Variants in PDZRN3 observed in about 807,000 individuals in gnomAD.
The protein encoded by PDZRN3 is PDZ domain containing ring finger 3.
Under a neutral mutation model 85.7 loss-of-function variants are expected in PDZRN3, and 38 were observed. The observed-to-expected ratio is 0.44, with a 90% CI of 0.34 to 0.58. The LOEUF is 0.58. Ranked by LOEUF, PDZRN3 falls within the 20% of genes least tolerant of loss-of-function variation. The pLI is 0.01. For synonymous variants in PDZRN3, 759 were observed against 638.0 expected, an observed-to-expected ratio of 1.19 and a Z score of -2.86; for missense variants, 1,629 against 1,506.4, an observed-to-expected ratio of 1.08 and a Z score of -1.35.
intron 3 of PDZRN3, among the ~76,000 whole-genome samples, chr3:73,442,515 A>G (rs35248676): frequency 0.085 from 12,982 of 152,272 alleles, 632 homozygotes; most frequent in Middle Eastern, 0.18. Flanking sequence ...AGAATAACAC[A>G]CTGGGAAAAA....
chr3:73,492,820 T>C (rs879459332), intron 3 of PDZRN3, among the ~76,000 whole-genome samples: 1 of 152,178 alleles, frequency 6.6e-6, no homozygotes, highest in African/African-American at 2.4e-5. Flanking sequence ...GTTGAGGTGG[T>C]GGATATGCCA....
At chr3:73,543,550 T>C (rs1307154598) in intron 3 of PDZRN3, among the ~76,000 whole-genome samples, 1 of 152,262 alleles carries the variant, frequency 6.6e-6, no homozygotes, top group Non-Finnish European at 1.5e-5. Flanking sequence ...TTCTCTTTAC[T>C]AGGGTTTCTA....
intron 3 of PDZRN3, among the ~76,000 whole-genome samples, chr3:73,564,873 T>A (rs1320928740): frequency 1.3e-5 from 2 of 152,172 alleles, no homozygotes; most frequent in African/African-American, 4.8e-5. Flanking sequence ...AGCTAATAGG[T>A]GTAAGCATGT....
intron 3 of PDZRN3, among the ~76,000 whole-genome samples, chr3:73,489,468 A>G (rs1214984498): frequency 1.3e-5 from 2 of 151,764 alleles, no homozygotes; most frequent in African/African-American, 4.8e-5. Flanking sequence ...TATCACAAAT[A>G]GTGTAAGATA....
At chr3:73,549,358 G>A (rs569407024) in intron 3 of PDZRN3, among the ~76,000 whole-genome samples, 2 of 152,256 alleles carry the variant, frequency 1.3e-5, no homozygotes. Context: ...CACTGTACCC[G>A]AGAGAAGTTG....
chr3:73,553,728 C>A (rs752753218), intron 3 of PDZRN3, among the ~76,000 whole-genome samples: 1 of 152,148 alleles, frequency 6.6e-6, no homozygotes, highest in Admixed American at 6.5e-5. Context: ...CTTCAGAACA[C>A]GCAGGAAGAA....
At chr3:73,476,231 G>C (rs990145253) in intron 3 of PDZRN3, among the ~76,000 whole-genome samples, 1 of 152,146 alleles carries the variant, frequency 6.6e-6, no homozygotes, top group Non-Finnish European at 1.5e-5. Flanking sequence ...GGCTATACAG[G>C]AGCATGGCTG....
chr3:73,595,567 A>G (rs892491697), intron 3 of PDZRN3, among the ~76,000 whole-genome samples: 1 of 152,204 alleles, frequency 6.6e-6, no homozygotes, highest in Non-Finnish European at 1.5e-5. Flanking sequence ...TATAATTACA[A>G]AATCATTTGG....
At chr3:73,593,917 C>T (rs953966068) in intron 3 of PDZRN3, 1 of 152,034 alleles carries the variant, frequency 6.6e-6, no homozygotes, top group Non-Finnish European at 1.5e-5. Flanking sequence ...TTGCATCATA[C>T]CATGTTTTAT....
Position 73,622,709 on chromosome 3 carries a change from G to C in PDZRN3, c.723+1394C>G, listed in dbSNP as rs1305827467. Among the ~76,000 whole-genome samples the C allele has an allele frequency of 3.9e-5, 6 of 152,292 alleles. No individual in the cohort carries two copies. In the East Asian group the frequency reaches 1.2e-3, roughly 29 times the overall value. On this transcript the variant is annotated intron_variant, in intron 1 of 9. Coordinates refer to ENST00000263666, the MANE Select transcript of PDZRN3 (RefSeq NM_015009.3). ...TATGCCCCAAAACTGAGAACTCTGA[G>C]GTAGAATCTGAGTCCGGCTCTGCTC...
Position 73,624,643 on chromosome 3 carries a change from C to T in PDZRN3, c.183G>A (p.Ser61=), listed in dbSNP as rs767174291. 5 of 1,548,550 alleles carry T rather than the reference C, an allele frequency of 3.2e-6. No homozygotes were observed. The highest frequency in any genetic ancestry group is 2.6e-5 in the East Asian group (1 of 38,214). ...GCAGGACGTGGTTGAGCTCTTTGGCCGACAGGCGACCGCGGCAGCGCGCCG... is the reference window on the plus strand; with the variant it reads ...GCAGGACGTGGTTGAGCTCTTTGGCTGACAGGCGACCGCGGCAGCGCGCCG... ...SCPARCRGRL[S]AKELNHVLPL... is the part of the protein sequence containing the mutation. Residue 61 remains serine, a synonymous_variant, in exon 1 of 10, where the codon TCG becomes TCA. Coordinates refer to ENST00000263666, the MANE Select transcript of PDZRN3 (RefSeq NM_015009.3).
chr3:73,566,728 A>T (rs953865196), intron 3 of PDZRN3, among the ~76,000 whole-genome samples: 1 of 152,090 alleles, frequency 6.6e-6, no homozygotes, highest in African/African-American at 2.4e-5. Context: ...TGTCCAACAA[A>T]CCACTAACAA....
chr3:73,415,956 A>G (rs1345602296), intron 3 of PDZRN3, among the ~76,000 whole-genome samples: 1 of 148,874 alleles, frequency 6.7e-6, no homozygotes, highest in South Asian at 2.2e-4. Flanking sequence ...ATTTGCCAAG[A>G]GAGTAGATTT....
At chr3:73,572,611 G>A (rs1702060857) in intron 3 of PDZRN3, among the ~76,000 whole-genome samples, 1 of 152,126 alleles carries the variant, frequency 6.6e-6, no homozygotes, top group South Asian at 2.1e-4. Flanking sequence ...ACAGTTGGTT[G>A]CGTCCTTGTT....
intron 3 of PDZRN3, among the ~76,000 whole-genome samples, chr3:73,565,424 G>A (rs901579371): frequency 4.6e-5 from 7 of 151,726 alleles, no homozygotes; most frequent in East Asian, 3.9e-4. Flanking sequence ...CACCATACCC[G>A]GCCTATATCC....
chr3:73,423,994 T>G (rs1028953145), intron 3 of PDZRN3, among the ~76,000 whole-genome samples: 1 of 152,140 alleles, frequency 6.6e-6, no homozygotes, highest in Non-Finnish European at 1.5e-5. Context: ...GTCTATAAGA[T>G]ATACCAGAAA....
Position 73,422,550 on chromosome 3 carries a change from A to AT in PDZRN3, c.919-18156dup, listed in dbSNP as rs1323845124. Among the ~76,000 whole-genome samples, 4 of 152,350 alleles carry AT rather than the reference A, an allele frequency of 2.6e-5. No individual in the cohort carries two copies. In the South Asian group the frequency reaches 6.2e-4, roughly 24 times the overall value. On this transcript the variant is annotated intron_variant, in intron 3 of 9. Transcript: ENST00000263666. ...TGGGTTGGCACTTGTTAATTCAAGG[A>AT]TAAAAAATACAACACTGGAACTGTG...
chr3:73,556,655 AC>A, intron 3 of PDZRN3: 1 of 152,290 alleles, frequency 6.6e-6, no homozygotes, highest in Non-Finnish European at 1.5e-5. Context: ...AGGGACAACC[AC>A]CCAGTGCATG....
intron 3 of PDZRN3, among the ~76,000 whole-genome samples, chr3:73,547,188 C>T (rs1701446555): frequency 6.6e-6 from 1 of 152,172 alleles, no homozygotes. Flanking sequence ...ACAACCTCTC[C>T]CTAGCCGAAC....
Sources: gnomAD v4.1 joint callset for allele counts (sites outside exome capture counted in the v4.1 genomes callset) on GRCh38, gnomAD v4.1.1 for gene constraint, MANE v1.5 for transcripts, NCBI Gene and HGNC (gene_info 2026-07-23, HGNC 2026-07-21) for gene names.